GPHN: variants seen among roughly 807,000 people sequenced by gnomAD.
GPHN encodes gephyrin.
Under a neutral mutation model 95.5 loss-of-function variants are expected in GPHN, and 17 were observed. That is an observed-to-expected ratio of 0.18 (90% CI 0.12 to 0.27). The LOEUF (loss-of-function observed/expected upper bound fraction) is 0.27, where lower values mean the gene tolerates loss of function less well. Ranked by LOEUF, GPHN falls within the 10% of genes least tolerant of loss-of-function variation. GPHN has a pLI of 1.00. For synonymous variants in GPHN, 320 were observed against 322.5 expected, an observed-to-expected ratio of 0.99 and a Z score of 0.08; for missense variants, 660 against 978.1, an observed-to-expected ratio of 0.67 and a Z score of 4.34.
At chr14:66,594,646 C>T (rs2061897006) in intron 1 of GPHN, among the ~76,000 whole-genome samples, 1 of 152,108 alleles carries the variant, frequency 6.6e-6, no homozygotes, top group Non-Finnish European at 1.5e-5. Flanking sequence ...TCCCATCTCA[C>T]ATCATATATA....
chr14:67,249,112 G>A, the GPHN span, among the ~76,000 whole-genome samples: 2 of 151,922 alleles, frequency 1.3e-5, no homozygotes, highest in Non-Finnish European at 2.9e-5. Context: ...ACAGGCACCC[G>A]CCATCATGCC....
chr14:67,428,960 T>A, the GPHN span, among the ~76,000 whole-genome samples: 2 of 152,170 alleles, frequency 1.3e-5, no homozygotes, highest in African/African-American at 4.8e-5. Flanking sequence ...GTTGGTCTCC[T>A]TTAAAGATGG....
intron 5 of GPHN, among the ~76,000 whole-genome samples, chr14:66,889,509 A>G (rs985935478): frequency 6.6e-6 from 1 of 152,158 alleles, no homozygotes; most frequent in Non-Finnish European, 1.5e-5. Context: ...AACACACTCA[A>G]ATAGCCAATA....
intron 8 of GPHN, among the ~76,000 whole-genome samples, chr14:66,954,755 T>C (rs1206365055): frequency 6.6e-6 from 1 of 152,210 alleles, no homozygotes; most frequent in Non-Finnish European, 1.5e-5. Flanking sequence ...GTGGGTTTTG[T>C]CTAGATGCCT....
intron 3 of GPHN, among the ~76,000 whole-genome samples, chr14:66,780,150 A>G (rs989359659): frequency 1.3e-5 from 2 of 152,170 alleles, no homozygotes; most frequent in Non-Finnish European, 2.9e-5. Flanking sequence ...TTAACTTAAA[A>G]AGGATGTTTT....
At chr14:66,844,621 G>A (rs1379137992) in intron 4 of GPHN, among the ~76,000 whole-genome samples, 1 of 151,932 alleles carries the variant, frequency 6.6e-6, no homozygotes, top group African/African-American at 2.4e-5. Context: ...AGTATGGATG[G>A]GTTTTTATTT....
At chr14:66,608,041 T>TGG (rs1792773657) in intron 1 of GPHN, among the ~76,000 whole-genome samples, 1 of 68,938 alleles carries the variant, frequency 1.5e-5, no homozygotes, top group African/African-American at 2.9e-5. Flanking sequence ...AGCTTTGTGG[T>TGG]TTTTTTTTTT....
chr14:66,927,147 G>A (rs1487983885), intron 8 of GPHN, among the ~76,000 whole-genome samples: 1 of 151,948 alleles, frequency 6.6e-6, no homozygotes, highest in Non-Finnish European at 1.5e-5. Flanking sequence ...TCAAGAGTTC[G>A]AGACCAGCCT....
chr14:67,511,740 C>T, the GPHN span, among the ~76,000 whole-genome samples: 1 of 152,204 alleles, frequency 6.6e-6, no homozygotes, highest in Non-Finnish European at 1.5e-5. Context: ...CTCCGCTCCA[C>T]TACATTTATA....
At chr14:66,682,326 T>C (rs1394499167) in intron 2 of GPHN, among the ~76,000 whole-genome samples, 1 of 152,220 alleles carries the variant, frequency 6.6e-6, no homozygotes, top group Non-Finnish European at 1.5e-5. Context: ...TAACCAACAA[T>C]GTAATTATTC....
chr14:66,905,574 T>G (rs2065338029), intron 5 of GPHN, among the ~76,000 whole-genome samples: 1 of 152,174 alleles, frequency 6.6e-6, no homozygotes, highest in Non-Finnish European at 1.5e-5. Context: ...TGTGTTTGTT[T>G]TTTATAATCT....
At chr14:67,705,172 AT>A in the GPHN span, among the ~76,000 whole-genome samples, 1 of 152,228 alleles carries the variant, frequency 6.6e-6, no homozygotes, top group African/African-American at 2.4e-5. Context: ...GAATGATTTT[AT>A]AAGAAAGTTT....
At chr14:66,688,466 A>G (rs140465689) in intron 2 of GPHN, among the ~76,000 whole-genome samples, 2 of 152,352 alleles carry the variant, frequency 1.3e-5, no homozygotes, top group Admixed American at 6.5e-5. Flanking sequence ...CTGCCATAAA[A>G]TGGATTGCTT....
At chr14:67,526,232 T>C in the GPHN span, among the ~76,000 whole-genome samples, 3 of 152,222 alleles carry the variant, frequency 2.0e-5, no homozygotes, top group Non-Finnish European at 2.9e-5. Context: ...CCTAATACAA[T>C]TGGGAGTCGG....
chr14:67,160,212 A>G (rs2081893131), intron 19 of GPHN, among the ~76,000 whole-genome samples: 1 of 152,148 alleles, frequency 6.6e-6, no homozygotes, highest in Admixed American at 6.5e-5. Flanking sequence ...CTTGCTAGAG[A>G]AAATGGATCA....
chr14:66,518,021 A>C (rs1355798925), intron 1 of GPHN, among the ~76,000 whole-genome samples: 1 of 151,992 alleles, frequency 6.6e-6, no homozygotes, highest in Non-Finnish European at 1.5e-5. Flanking sequence ...AATGGGAGAA[A>C]ATATTTGCAA....
chr14:66,601,198 C>T (rs576636642), intron 1 of GPHN, among the ~76,000 whole-genome samples: 4 of 151,984 alleles, frequency 2.6e-5, no homozygotes, highest in African/African-American at 4.8e-5. Context: ...TATCTAAAAG[C>T]GTTAAAGGTG....
chr14:67,349,511 G>A, the GPHN span, among the ~76,000 whole-genome samples: 1 of 152,118 alleles, frequency 6.6e-6, no homozygotes, highest in Non-Finnish European at 1.5e-5. Context: ...GTTCCATCTG[G>A]CTTTGTGTGA....
At chr14:66,774,507 C>G (rs2059310272) in intron 2 of GPHN, among the ~76,000 whole-genome samples, 1 of 152,164 alleles carries the variant, frequency 6.6e-6, no homozygotes, top group South Asian at 2.1e-4. Context: ...TGTCGTGCTT[C>G]TCAACGCATT....
Sources: gnomAD v4.1 joint callset for allele counts (sites outside exome capture counted in the v4.1 genomes callset) on GRCh38, gnomAD v4.1.1 for gene constraint, MANE v1.5 for transcripts, NCBI Gene and HGNC (gene_info 2026-07-23, HGNC 2026-07-21) for gene names.